Variants in CTNNA3 observed in about 807,000 individuals in gnomAD.
The protein encoded by CTNNA3 is catenin alpha-3.
Under a neutral mutation model 95.7 loss-of-function variants are expected in CTNNA3, and 76 were observed. The observed-to-expected ratio is 0.79, with a 90% CI of 0.66 to 0.96. The LOEUF (loss-of-function observed/expected upper bound fraction) is 0.96, where lower values mean the gene tolerates loss of function less well. CTNNA3 is among the 40% of genes least tolerant of loss of function. The probability of loss-of-function intolerance (pLI) is 0.00; values close to 1 mark genes in which losing one functional copy is unlikely to be tolerated. For synonymous variants in CTNNA3, 431 were observed against 374.4 expected (o/e 1.15, Z -1.74); for missense variants, 1,191 against 1,089.8 (o/e 1.09, Z -1.31).
chr10:66,949,466 G>A (rs530459877), intron 7 of CTNNA3, among the ~76,000 whole-genome samples: 1 of 152,192 alleles, frequency 6.6e-6, no homozygotes, highest in Non-Finnish European at 1.5e-5. Context: ...GCTGAGGCAG[G>A]AGAATTGCTT....
intron 15 of CTNNA3, among the ~76,000 whole-genome samples, chr10:65,994,314 C>G (rs116536318): frequency 1.3e-5 from 2 of 151,914 alleles, no homozygotes; most frequent in African/African-American, 2.4e-5. Context: ...AAAGGAGTCA[C>G]GAAAACAAAG....
chr10:66,585,929 T>G (rs946398652), intron 10 of CTNNA3, among the ~76,000 whole-genome samples: 3 of 152,156 alleles, frequency 2.0e-5, no homozygotes, highest in Non-Finnish European at 4.4e-5. Context: ...TTGATTCAAT[T>G]GGGTTTAAAA....
At chr10:67,117,125 G>A (rs1026558223) in intron 7 of CTNNA3, among the ~76,000 whole-genome samples, 1 of 151,936 alleles carries the variant, frequency 6.6e-6, no homozygotes, top group Admixed American at 6.6e-5. Flanking sequence ...TTGAACAACA[G>A]AGAAAAACAG....
At position 66,710,818 on chromosome 10, in the gene CTNNA3, T is replaced by A. The variant is rs142265450; in HGVS notation, c.1281+55446A>T. Among the ~76,000 whole-genome samples the A allele has an allele frequency of 4.7e-3, 719 of 151,508 alleles. 5 individuals are homozygous for A. Among genetic ancestry groups the A allele is most frequent in the African/African-American group, 0.016 (678 of 41,236 alleles). On this transcript the variant is annotated intron_variant, in intron 9 of 17. Transcript: ENST00000433211. ...ACTCTGAGATATTTATAATTCAACA[T>A]TGAAACAAATCTTAAAACTTTGTCA...
In CTNNA3 at chr10:66,192,680, C is replaced by T. The variant is rs112288429; in HGVS notation, c.1884+87790G>A. ...TTAAACTCCAGCCAAACCAGCCTGCCTTTATTTATTCAAGGATAACACTCT... is the reference window on the plus strand; with the variant it reads ...TTAAACTCCAGCCAAACCAGCCTGCTTTTATTTATTCAAGGATAACACTCT... On this transcript the variant is annotated intron_variant, in intron 13 of 17. Coordinates refer to ENST00000433211, the MANE Select transcript of CTNNA3 (RefSeq NM_013266.4). Among the ~76,000 whole-genome samples the T allele has an allele frequency of 6.9e-3, 1,049 of 152,218 alleles. 8 individuals are homozygous for T. Among genetic ancestry groups the T allele is most frequent in the African/African-American group, 0.024 (981 of 41,526 alleles).
intron 9 of CTNNA3, among the ~76,000 whole-genome samples, chr10:66,666,271 T>C (rs1846448186): frequency 1.3e-5 from 2 of 152,144 alleles, no homozygotes; most frequent in South Asian, 4.1e-4. Flanking sequence ...TGCTGCCTGG[T>C]ATTACGGAAT....
At chr10:66,365,674 C>T (rs1352664623) in intron 12 of CTNNA3, among the ~76,000 whole-genome samples, 1 of 152,038 alleles carries the variant, frequency 6.6e-6, no homozygotes, top group Non-Finnish European at 1.5e-5. Context: ...GCCCTATTCG[C>T]TTCTAACAAA....
At chr10:66,854,420 T>C (rs1312874305) in intron 7 of CTNNA3, among the ~76,000 whole-genome samples, 1 of 151,958 alleles carries the variant, frequency 6.6e-6, no homozygotes, top group Non-Finnish European at 1.5e-5. Context: ...GAATCAGACA[T>C]AACTATGATC....
chr10:66,123,660 G>A (rs116554041), intron 13 of CTNNA3, among the ~76,000 whole-genome samples: 1,552 of 152,246 alleles, frequency 0.01, 35 homozygotes, highest in African/African-American at 0.035. Flanking sequence ...TTTCTGCCTG[G>A]ACAGCCAGGC....
At chr10:67,309,041 T>G (rs917113759) in intron 5 of CTNNA3, among the ~76,000 whole-genome samples, 4 of 152,200 alleles carry the variant, frequency 2.6e-5, no homozygotes, top group Admixed American at 6.5e-5. Flanking sequence ...TTACTTCATT[T>G]TGTGAAAAAC....
At chr10:67,041,316 A>G (rs1451981167) in intron 7 of CTNNA3, among the ~76,000 whole-genome samples, 1 of 152,138 alleles carries the variant, frequency 6.6e-6, no homozygotes, top group African/African-American at 2.4e-5. Context: ...AGGCTCCCCA[A>G]GCTGCCCAAG....
chr10:67,214,578 T>C (rs1311001674), intron 6 of CTNNA3, among the ~76,000 whole-genome samples: 3 of 151,962 alleles, frequency 2.0e-5, no homozygotes, highest in African/African-American at 7.2e-5. Context: ...AATTCTTGCA[T>C]TTGCACCCTT....
At chr10:67,500,887 C>G (rs1839207045) in intron 5 of CTNNA3, among the ~76,000 whole-genome samples, 1 of 152,194 alleles carries the variant, frequency 6.6e-6, no homozygotes, top group South Asian at 2.1e-4. Context: ...CTCCTGAATA[C>G]AGCACACTGA....
intron 12 of CTNNA3, among the ~76,000 whole-genome samples, chr10:66,346,202 T>TGG (rs1187467210): frequency 9.0e-5 from 10 of 111,684 alleles, no homozygotes; most frequent in African/African-American, 3.0e-4. Context: ...ATAGTAAGTA[T>TGG]GTGTGTGTGT....
chr10:67,541,558 A>C (rs1840685600), intron 3 of CTNNA3, among the ~76,000 whole-genome samples: 1 of 152,046 alleles, frequency 6.6e-6, no homozygotes, highest in Non-Finnish European at 1.5e-5. Context: ...CTTGGACAGT[A>C]AATGCCTTCA....
In CTNNA3 at chr10:67,191,559, G is replaced by A. The variant is rs117575069; in HGVS notation, c.844-11039C>T. ...TTAACCACAGATTTGAAAGATCTGT[G>A]GTTACATTAAAAATTACAAGGCATT... On this transcript the variant is annotated intron_variant, in intron 6 of 17. Transcript: ENST00000433211. Among the ~76,000 whole-genome samples the A allele has an allele frequency of 3.1e-3, 464 of 151,688 alleles. 5 individuals are homozygous for A. The highest frequency in any genetic ancestry group is 0.027 in the East Asian group (137 of 5,168).
chr10:66,166,164 G>C (rs1256278297), intron 13 of CTNNA3, among the ~76,000 whole-genome samples: 3 of 151,810 alleles, frequency 2.0e-5, no homozygotes, highest in African/African-American at 4.8e-5. Context: ...TAAGAAAAAA[G>C]TTTCACAGAG....
intron 5 of CTNNA3, among the ~76,000 whole-genome samples, chr10:67,320,405 G>T (rs904735131): frequency 2.0e-5 from 3 of 152,146 alleles, no homozygotes; most frequent in Admixed American, 6.6e-5. Context: ...AAAACAATGT[G>T]CAAAGCCCTC....
At chr10:66,751,703 T>C (rs1040519577) in intron 9 of CTNNA3, among the ~76,000 whole-genome samples, 1 of 152,208 alleles carries the variant, frequency 6.6e-6, no homozygotes, top group Non-Finnish European at 1.5e-5. Context: ...CAAGTTTTGA[T>C]TTTAAAAGCA....
Sources: gnomAD v4.1 joint callset for allele counts (sites outside exome capture counted in the v4.1 genomes callset) on GRCh38, gnomAD v4.1.1 for gene constraint, MANE v1.5 for transcripts, NCBI Gene and HGNC (gene_info 2026-07-23, HGNC 2026-07-21) for gene names.